Variants in MAST3 observed in about 807,000 individuals in gnomAD.
MAST3 encodes microtubule-associated serine/threonine-protein kinase 3.
In MAST3, 43 loss-of-function variants were observed where a neutral mutation model predicts 127.0. The observed-to-expected ratio is 0.34, with a 90% CI of 0.27 to 0.44. MAST3 has a LOEUF of 0.44. Ranked by LOEUF, MAST3 falls within the 20% of genes least tolerant of loss-of-function variation. The pLI, the probability that MAST3 is intolerant of heterozygous loss-of-function variation, is 1.00. For missense variants in MAST3, 1,390 were observed against 1,919.1 expected, an observed-to-expected ratio of 0.72 and a Z score of 5.15; for synonymous variants, 785 against 809.2, an observed-to-expected ratio of 0.97 and a Z score of 0.51.
intron 26 of MAST3, 54 bp downstream of exon 26, chr19:18,147,098 CCT>C (rs1491304149): frequency 3.3e-6 from 4 of 1,199,322 alleles, no homozygotes; most frequent in Admixed American, 4.2e-5. Context: ...TTTTCTTTTT[CCT>C]TTTTTTTTTT....
At chr19:18,125,383 A>G (rs1261884606) in intron 11 of MAST3, among the ~76,000 whole-genome samples, 2 of 152,160 alleles carry the variant, frequency 1.3e-5, no homozygotes, top group Non-Finnish European at 2.9e-5. Flanking sequence ...TGTGGCCTTT[A>G]CTGTGGCCCA....
chr19:18,139,324 T>TTTTTG, intron 20 of MAST3, among the ~76,000 whole-genome samples, 200 bp downstream of exon 20: 1 of 149,858 alleles, frequency 6.7e-6, no homozygotes, highest in East Asian at 2.0e-4. Flanking sequence ...TTGTATTGGT[T>TTTTTG]TTTTGTTTTG....
At chr19:18,106,170 C>G (rs1023455396) in intron 1 of MAST3, among the ~76,000 whole-genome samples, 1 of 152,268 alleles carries the variant, frequency 6.6e-6, no homozygotes, top group Non-Finnish European at 1.5e-5. Flanking sequence ...TCACTGCAAC[C>G]TCCAACTCCT....
chr19:18,122,878 A>C lies in MAST3; in HGVS notation c.399+127A>C, dbSNP rs945064720. 4 of 1,018,502 alleles carry C rather than the reference A, an allele frequency of 3.9e-6. No individual in the cohort carries two copies. In the African/African-American group the frequency reaches 4.8e-5, roughly 12 times the overall value. 63.1% of individuals were successfully genotyped at this position (1,018,502 alleles called of 1,614,324 possible). A position where few individuals can be genotyped will look rare whatever the true frequency, so the allele number is the denominator to read the frequency against. The stretch of plus-strand genomic sequence containing the variant: ...AGCAAACATACTAGTTACTTCCTCC[A>C]TGCACGCCCCATTCTGGGAAATGCA... On this transcript the variant is annotated intron_variant, in intron 6 of 27. Coordinates refer to ENST00000687212, the MANE Select transcript of MAST3 (RefSeq NM_001393504.1).
At chr19:18,117,905 C>A (rs962936256) in intron 3 of MAST3, 2 of 156,356 alleles carry the variant, frequency 1.3e-5, no homozygotes, top group Admixed American at 6.6e-5. Flanking sequence ...CTCGCCGGCA[C>A]GCGGGTCCGC....
chr19:18,117,651 G>C (rs1287075436), intron 3 of MAST3, among the ~76,000 whole-genome samples: 2 of 152,210 alleles, frequency 1.3e-5, no homozygotes, highest in African/African-American at 2.4e-5. Context: ...AGGACGCTGG[G>C]GTGGGTCTTG....
chr19:18,141,718 GTTTCTTTTTT>G (rs1043519464), intron 20 of MAST3, among the ~76,000 whole-genome samples, 154 bp from the exon 21 acceptor site: 3 of 151,644 alleles, frequency 2.0e-5, no homozygotes, highest in Non-Finnish European at 2.9e-5. Flanking sequence ...TTTTGTTTGG[GTTTCTTTTTT>G]TTTCTTTTTT....
chr19:18,145,121 G>GC lies in MAST3; in HGVS notation c.2937dup (p.Ile980HisfsTer23), dbSNP rs2147817002. On this transcript the variant is annotated frameshift_variant, in exon 24 of 28. Transcript: ENST00000687212. LOFTEE classifies it high-confidence loss of function. This position sits in a 1 kb window ranked among gnomAD's most constrained non-coding sequence, Gnocchi z 5.9. ...CGTCCCCCGTGTGTGGCAGCCTGCGGCCCCCCATCGTTATCCACAGCTCTG... is the reference window on the plus strand; with the variant it reads ...CGTCCCCCGTGTGTGGCAGCCTGCGGCCCCCCCATCGTTATCCACAGCTCTG... 6.2e-7 allele frequency: 1 copy of GC among 1,613,794 alleles called. No individual in the cohort carries two copies. The highest frequency in any genetic ancestry group is 8.5e-7 in the Non-Finnish European group (1 of 1,179,868).
chr19:18,145,266 T>C lies in MAST3; in HGVS notation c.3039+37T>C. 1 of 1,588,772 alleles carries C rather than the reference T, an allele frequency of 6.3e-7. No individual in the cohort carries two copies. The highest frequency in any genetic ancestry group is 2.2e-5 in the East Asian group (1 of 44,660). On this transcript the variant is annotated intron_variant, in intron 24 of 27. Transcript: ENST00000687212. The surrounding 1 kb of genome is among the most constrained non-coding windows in gnomAD (Gnocchi z 5.9). ...GTGGGAATGGCAGGGACCCGGGTTC[T>C]AGTTTGACTCTGCCCGGTCATGTCC...
intron 1 of MAST3, among the ~76,000 whole-genome samples, chr19:18,100,512 A>G (rs138914371): frequency 8.2e-4 from 125 of 152,326 alleles, no homozygotes; most frequent in African/African-American, 2.9e-3. Context: ...TAAAGGTCCA[A>G]GTGGAAGAAG....
In MAST3 at chr19:18,141,845, C is replaced by T. The variant is rs370431959; in HGVS notation, c.2206-37C>T. The T allele has an allele frequency of 4.3e-5, 58 of 1,351,428 alleles. No homozygotes were observed. The African/African-American group carries it at 4.5e-4, about 10-fold the overall frequency. The allele number at this position is 1,351,428 out of a possible 1,614,324, so 83.7% of individuals were successfully genotyped here. A position where few individuals can be genotyped will look rare whatever the true frequency, so the allele number is the denominator to read the frequency against. On this transcript the variant is annotated intron_variant, in intron 20 of 27. Coordinates refer to ENST00000687212, the MANE Select transcript of MAST3 (RefSeq NM_001393504.1). ...TGCTGGGATTACAGGCATGAGCCAC[C>T]GCACCCGGCTTACCATTCTTTTGTC...
Position 18,149,423 on chromosome 19 carries a change from G to A in MAST3, c.3741G>A (p.Pro1247=), listed in dbSNP as rs754172650. The A allele has an allele frequency of 2.8e-5, 41 of 1,490,344 alleles. No homozygotes were observed. Among genetic ancestry groups the A allele is most frequent in the East Asian group, 1.6e-4 (6 of 38,164 alleles). 92.3% of individuals were successfully genotyped at this position (1,490,344 alleles called of 1,614,324 possible). The change falls in exon 28 of 28, where the codon CCG becomes CCA. Residue 1247 remains proline (P), a synonymous_variant. Transcript: ENST00000687212. The surrounding 1 kb of genome is among the most constrained non-coding windows in gnomAD (Gnocchi z 5.9). ...PRSPSPLPGH[P]PAPARSPRLR... is the part of the protein sequence containing the mutation. ...CGCCCTCGCCCCTGCCCGGGCACCC[G>A]CCCGCACCTGCCCGATCCCCGCGGC...
At chr19:18,123,509 C>T (rs1221785223) in intron 7 of MAST3, 71 bp from the exon 8 acceptor site, 1 of 1,470,598 alleles carries the variant, frequency 6.8e-7, no homozygotes, top group Non-Finnish European at 9.1e-7. Context: ...AACCCTGGCT[C>T]AGATCCCCCA....
intron 5 of MAST3, chr19:18,122,224 A>G (rs2147181686): frequency 1.4e-6 from 1 of 725,306 alleles, no homozygotes; most frequent in East Asian, 1.3e-4. Flanking sequence ...TTCACTTAAC[A>G]AGAGCTGATT....
In MAST3 at chr19:18,123,258, C is replaced by G; in HGVS notation, c.441C>G (p.Phe147Leu). The change falls in exon 7 of 28, where the codon TTC becomes TTG. Residue 147 changes from phenylalanine to leucine, a missense_variant. Around this residue, in one of 5 missense-constraint regions of MAST3, gnomAD observed 277 missense variants for 384.8 expected, o/e 0.72. Coordinates refer to ENST00000687212, the MANE Select transcript of MAST3 (RefSeq NM_001393504.1). ...SSRERLHQLPFQPTPDELHFL... is the reference protein window; with the variant it reads ...SSRERLHQLPLQPTPDELHFL... ...GGGAACGTCTCCACCAGCTTCCCTTCCAGCCGACGCCGGACGAGCTGCACT... is the reference window on the plus strand; with the variant it reads ...GGGAACGTCTCCACCAGCTTCCCTTGCAGCCGACGCCGGACGAGCTGCACT... 6.2e-7 allele frequency: 1 copy of G among 1,613,940 alleles called. No homozygotes were observed. Among genetic ancestry groups the G allele is most frequent in the Non-Finnish European group, 8.5e-7 (1 of 1,179,898 alleles).
intron 8 of MAST3, 48 bp downstream of exon 8, chr19:18,123,703 T>C (rs2040259384): frequency 2.8e-6 from 4 of 1,415,030 alleles, no homozygotes; most frequent in Middle Eastern, 1.9e-4. Flanking sequence ...TCTTTCCACA[T>C]TGCTGTCCCT....
intron 12 of MAST3, 36 bp downstream of exon 12, chr19:18,128,494 T>G (rs2040911214): frequency 6.5e-7 from 1 of 1,546,378 alleles, no homozygotes; most frequent in African/African-American, 1.4e-5. Flanking sequence ...CCGCTCATCT[T>G]GTTCTTTCCA....
Position 18,110,225 on chromosome 19 carries a change from C to A in MAST3, c.72-427C>A. On this transcript the variant is annotated intron_variant, in intron 2 of 27. Transcript: ENST00000687212. This position sits in a 1 kb window ranked among gnomAD's most constrained non-coding sequence, Gnocchi z 4.3. ...GGCGTCTGTCCCTGCGTCCGTGTGT[C>A]CGTCCGTCGGTCCGCTCGCGCCACG... 1.0e-6 allele frequency: 1 copy of A among 985,504 alleles called. No individual in the cohort carries two copies. The highest frequency in any genetic ancestry group is 1.2e-6 in the Non-Finnish European group (1 of 829,978). 61.0% of individuals were successfully genotyped at this position (985,504 alleles called of 1,614,324 possible).
Position 18,130,477 on chromosome 19 carries a change from T to C in MAST3, c.1224-17T>C. 1 of 1,577,482 alleles carries C rather than the reference T, an allele frequency of 6.3e-7. No individual in the cohort carries two copies. Among genetic ancestry groups the C allele is most frequent in the Non-Finnish European group, 8.6e-7 (1 of 1,160,640 alleles). ...CCTCGATCTCCGGTCCCAGCAAGCCTGGCCCTCTGTCCCCAGGGCCGTCTA... is the reference window on the plus strand; with the variant it reads ...CCTCGATCTCCGGTCCCAGCAAGCCCGGCCCTCTGTCCCCAGGGCCGTCTA... On this transcript the variant is annotated splice_polypyrimidine_tract_variant and intron_variant, in intron 13 of 27. Transcript: ENST00000687212.
Sources: gnomAD v4.1 joint callset for allele counts (sites outside exome capture counted in the v4.1 genomes callset) on GRCh38, gnomAD v4.1.1 for gene constraint, gnomAD v4.1.1 regional missense constraint, Gnocchi (gnomAD v3.1) non-coding constraint, MANE v1.5 for transcripts, NCBI Gene and HGNC (gene_info 2026-07-23, HGNC 2026-07-21) for gene names.